The following TRHDE variants were observed in gnomAD, a reference collection of about 807,000 sequenced individuals.
TRHDE encodes thyrotropin releasing hormone degrading enzyme.
Under a neutral mutation model 125.7 loss-of-function variants are expected in TRHDE, and 72 were observed. That is an observed-to-expected ratio of 0.57 (90% CI 0.47 to 0.70). TRHDE has a LOEUF of 0.70. Ranked by LOEUF, TRHDE falls within the 30% of genes least tolerant of loss-of-function variation. The pLI is 0.00. For synonymous variants in TRHDE, 509 were observed against 509.1 expected, an observed-to-expected ratio of 1.00 and a Z score of 0.00; for missense variants, 1,110 against 1,327.1, an observed-to-expected ratio of 0.84 and a Z score of 2.54.
At chr12:72,094,652 A>G (rs1874870048) in intron 1 of TRHDE, among the ~76,000 whole-genome samples, 1 of 152,228 alleles carries the variant, frequency 6.6e-6, no homozygotes, top group African/African-American at 2.4e-5. Context: ...TGAGGTCGGC[A>G]GGTCTGTCAT....
At chr12:72,330,077 G>T (rs960518698) in intron 2 of TRHDE, among the ~76,000 whole-genome samples, 14 of 152,070 alleles carry the variant, frequency 9.2e-5, no homozygotes, top group Non-Finnish European at 1.9e-4. Flanking sequence ...TAAATAAAAC[G>T]TATTTCTTTT....
At chr12:72,258,015 G>A (rs1187715650) in intron 2 of TRHDE, 7 of 152,030 alleles carry the variant, frequency 4.6e-5, no homozygotes, top group Non-Finnish European at 4.4e-5. Flanking sequence ...GAGACAGCTG[G>A]GTAGAAGATG....
At chr12:72,574,034 T>C (rs1364292390) in intron 10 of TRHDE, among the ~76,000 whole-genome samples, 2 of 152,052 alleles carry the variant, frequency 1.3e-5, no homozygotes, top group African/African-American at 2.4e-5. Flanking sequence ...TCATCTATAA[T>C]ATGCATTGGG....
intron 2 of TRHDE, among the ~76,000 whole-genome samples, chr12:72,164,370 G>A (rs992094447): frequency 2.6e-5 from 4 of 152,170 alleles, no homozygotes; most frequent in African/African-American, 9.7e-5. Flanking sequence ...ATGGTGTTGT[G>A]CTGAACTCTT....
At chr12:72,542,948 T>C (rs1008929200) in intron 7 of TRHDE, among the ~76,000 whole-genome samples, 6 of 151,348 alleles carry the variant, frequency 4.0e-5, no homozygotes, top group Non-Finnish European at 5.9e-5. Flanking sequence ...GGAAGATTAT[T>C]AAACTTCTTA....
intron 1 of TRHDE, among the ~76,000 whole-genome samples, chr12:72,104,147 A>G (rs1875128759): frequency 1.3e-5 from 2 of 152,140 alleles, no homozygotes. Context: ...ATAAGCTTAC[A>G]ATGGGTGTTC....
At position 72,619,028 on chromosome 12, in the gene TRHDE, A is replaced by G; in HGVS notation, c.2459A>G (p.Asn820Ser). 6.4e-7 allele frequency: 1 copy of G among 1,554,518 alleles called. No homozygotes were observed. Among genetic ancestry groups the G allele is most frequent in the South Asian group, 1.2e-5 (1 of 80,244 alleles). ...DKLLDRMENY[N>S]IFNEYILKQV... is the part of the protein sequence containing the mutation. ...TTACTGGACCGCATGGAAAACTACA[A>G]CATTTTCAATGTAAAAAGATATAAT... is the stretch of plus-strand genomic sequence containing the variant. Residue 820 changes from asparagine (N) to serine (S), a missense_variant, in exon 13 of 19, where the codon AAC becomes AGC. Coordinates refer to ENST00000261180, the MANE Select transcript of TRHDE (RefSeq NM_013381.3).
chr12:72,361,497 G>A (rs181417175), intron 2 of TRHDE, among the ~76,000 whole-genome samples: 217 of 151,804 alleles, frequency 1.4e-3, no homozygotes, highest in Non-Finnish European at 1.3e-3. Context: ...TCAGATATAA[G>A]AGTAATGTTA....
intron 6 of TRHDE, among the ~76,000 whole-genome samples, chr12:72,532,649 A>G (rs1288829025): frequency 6.6e-6 from 1 of 151,392 alleles, no homozygotes; most frequent in Non-Finnish European, 1.5e-5. Flanking sequence ...CCTACATTTG[A>G]GATGATTAAA....
intron 5 of TRHDE, among the ~76,000 whole-genome samples, chr12:72,495,163 A>C (rs1877861468): frequency 6.9e-6 from 1 of 145,946 alleles, no homozygotes. Flanking sequence ...GAACCAAGGC[A>C]TCAAAGTATC....
At chr12:72,170,473 G>T (rs1239125077) in intron 2 of TRHDE, among the ~76,000 whole-genome samples, 4 of 152,140 alleles carry the variant, frequency 2.6e-5, no homozygotes, top group African/African-American at 9.7e-5. Context: ...TCACTTGTTG[G>T]TGGTGTAAAG....
At chr12:72,094,037 G>A (rs1018822002) in intron 1 of TRHDE, among the ~76,000 whole-genome samples, 3 of 152,126 alleles carry the variant, frequency 2.0e-5, no homozygotes, top group Admixed American at 6.5e-5. Context: ...TGGTTGAATC[G>A]GATTGGAGCT....
intron 12 of TRHDE, among the ~76,000 whole-genome samples, chr12:72,616,174 G>A (rs1215077078): frequency 2.0e-5 from 3 of 152,044 alleles, no homozygotes; most frequent in African/African-American, 7.2e-5. Context: ...CCATTATTTA[G>A]AACTTTTATC....
intron 2 of TRHDE, among the ~76,000 whole-genome samples, chr12:72,190,834 A>G (rs544999651): frequency 5.3e-5 from 8 of 152,198 alleles, no homozygotes; most frequent in Non-Finnish European, 1.0e-4. Context: ...GGATCAGGCT[A>G]TTGCCCTGCT....
In TRHDE at chr12:72,100,417, C is replaced by T. The variant is rs115374912; in HGVS notation, n.175-5231C>T. 9.4e-3 allele frequency among the ~76,000 whole-genome samples: 1,424 copies of T among 152,208 alleles called. 22 individuals are homozygous for T. The highest frequency in any genetic ancestry group is 0.031 in the African/African-American group (1,306 of 41,526). ...GCTTCTTGTTATAACTTTAGTACTC[C>T]GAACACTTAACGAAAAGCCAACAAC... On this transcript the variant is annotated intron_variant and non_coding_transcript_variant, in intron 1 of 4. Coordinates refer to the TRHDE transcript ENST00000548156.
intron 15 of TRHDE, among the ~76,000 whole-genome samples, chr12:72,648,001 A>G (rs181504430): frequency 1.3e-5 from 2 of 152,258 alleles, no homozygotes; most frequent in Non-Finnish European, 2.9e-5. Context: ...GAAATCCTCT[A>G]CAGAATACTA....
At chr12:72,302,570 G>A (rs1868278114) in intron 2 of TRHDE, among the ~76,000 whole-genome samples, 1 of 152,122 alleles carries the variant, frequency 6.6e-6, no homozygotes, top group South Asian at 2.1e-4. Context: ...GAGGCTGAGA[G>A]AGATGGCATA....
In TRHDE at chr12:72,670,617, T is replaced by C. The variant is rs564513062; in HGVS notation, c.*7422T>C. Reference sequence around the variant, plus strand: ...GTCCATGCAAATGGAAAAAAATTATTCTCTTCTGACATGGACTTTTTCATG... The same window carrying C: ...GTCCATGCAAATGGAAAAAAATTATCCTCTTCTGACATGGACTTTTTCATG... On this transcript the variant is annotated 3_prime_UTR_variant, in exon 19 of 19. Transcript: ENST00000261180. 1 of 151,882 alleles carries C rather than the reference T, an allele frequency of 6.6e-6. No homozygotes were observed. The highest frequency in any genetic ancestry group is 2.1e-4 in the South Asian group (1 of 4,824). 9.4% of individuals were successfully genotyped at this position (151,882 alleles called of 1,614,324 possible).
intron 15 of TRHDE, among the ~76,000 whole-genome samples, chr12:72,628,950 A>G (rs1873368804): frequency 6.6e-6 from 1 of 151,812 alleles, no homozygotes; most frequent in Non-Finnish European, 1.5e-5. Flanking sequence ...ATACATGCCA[A>G]CTCAGTTCAG....
Sources: allele counts gnomAD v4.1 joint callset (sites outside exome capture counted in the v4.1 genomes callset), GRCh38; gene constraint gnomAD v4.1.1; transcripts MANE v1.5; gene names NCBI Gene and HGNC (gene_info 2026-07-23, HGNC 2026-07-21).